The following CADPS2 variants were observed in gnomAD, a reference collection of about 807,000 sequenced individuals.
CADPS2 encodes calcium dependent secretion activator 2, also known as calcium-dependent secretion activator 2.
A neutral mutation model predicts 172.5 loss-of-function variants in CADPS2; 93 were observed. That is an observed-to-expected ratio of 0.54 (90% confidence interval 0.46 to 0.64). The LOEUF (loss-of-function observed/expected upper bound fraction) is 0.64. CADPS2 is among the 30% of genes least tolerant of loss of function. The pLI is 0.00. For synonymous variants in CADPS2, 546 were observed against 555.2 expected (o/e 0.98, Z 0.23); for missense variants, 1,420 against 1,565.9 (o/e 0.91, Z 1.57).
chr7:122,608,464 T>C (rs959548434), intron 6 of CADPS2, among the ~76,000 whole-genome samples: 1 of 152,206 alleles, frequency 6.6e-6, no homozygotes. Context: ...ATTCCATTTG[T>C]AGCTGCAATG....
At chr7:122,631,816 G>C (rs565960013) in intron 3 of CADPS2, among the ~76,000 whole-genome samples, 7 of 152,138 alleles carry the variant, frequency 4.6e-5, no homozygotes. Flanking sequence ...GGTGAGCATA[G>C]TATCCAATAG....
At chr7:122,852,417 T>C (rs548182064) in intron 1 of CADPS2, among the ~76,000 whole-genome samples, 1 of 152,312 alleles carries the variant, frequency 6.6e-6, no homozygotes, top group African/African-American at 2.4e-5. Flanking sequence ...ATGTGTTGTA[T>C]AGTATATTAA....
intron 3 of CADPS2, among the ~76,000 whole-genome samples, chr7:122,643,919 C>T (rs1435098649): frequency 6.6e-6 from 1 of 151,974 alleles, no homozygotes; most frequent in South Asian, 2.1e-4. Context: ...GGCAAAACCC[C>T]TCTCTACTAA....
intron 28 of CADPS2, among the ~76,000 whole-genome samples, chr7:122,337,137 C>A (rs1299368919): frequency 6.6e-6 from 1 of 152,114 alleles, no homozygotes; most frequent in Non-Finnish European, 1.5e-5. Context: ...CCCCAAGCTG[C>A]GGTAAGTAGT....
At chr7:122,524,920 A>G (rs995251) in intron 8 of CADPS2, among the ~76,000 whole-genome samples, 30,456 of 152,130 alleles carry the variant, frequency 0.2, 4,050 homozygotes, top group Non-Finnish European at 0.3. Flanking sequence ...AGGCTGAGGT[A>G]GGCGGATTGT....
At chr7:122,834,503 G>A (rs533463239) in intron 1 of CADPS2, among the ~76,000 whole-genome samples, 51 of 152,276 alleles carry the variant, frequency 3.3e-4, no homozygotes, top group African/African-American at 1.1e-3. Context: ...CTCACCCGGG[G>A]AGCACAAGGG....
At chr7:122,638,725 G>C (rs1049429810) in intron 3 of CADPS2, among the ~76,000 whole-genome samples, 2 of 152,192 alleles carry the variant, frequency 1.3e-5, no homozygotes, top group African/African-American at 2.4e-5. Context: ...TGGATCCCCT[G>C]AGGACTCTTA....
chr7:122,858,789 A>G (rs1816072032), intron 1 of CADPS2, among the ~76,000 whole-genome samples: 1 of 152,238 alleles, frequency 6.6e-6, no homozygotes, highest in Non-Finnish European at 1.5e-5. Context: ...AAAATAAATG[A>G]AAACATTGGG....
chr7:122,626,107 A>G (rs906474591), intron 4 of CADPS2, among the ~76,000 whole-genome samples: 1 of 152,186 alleles, frequency 6.6e-6, no homozygotes, highest in Non-Finnish European at 1.5e-5. Flanking sequence ...GGGGTAAAAA[A>G]GACCAGATCA....
rs763117991 is a variant in CADPS2, at chr7:122,698,237, T to C, written c.454-34668A>G. The C allele has an allele frequency of 1.9e-6, 3 of 1,613,968 alleles. No individual in the cohort carries two copies. In the Admixed American group the frequency reaches 5.0e-5, roughly 27 times the overall value. On this transcript the variant is annotated intron_variant, in intron 2 of 29. Coordinates refer to ENST00000449022, the MANE Select transcript of CADPS2 (RefSeq NM_017954.11). ...TGTCCAAATGTGTTCTGAAGATCTG[T>C]TGTTAATCGCTGCCATCTCCGGTTC...
intron 25 of CADPS2, among the ~76,000 whole-genome samples, chr7:122,367,874 C>T (rs1585322098): frequency 6.6e-6 from 1 of 152,062 alleles, no homozygotes. Flanking sequence ...TTGTTTTCTT[C>T]ACTTTTCTAG....
At chr7:122,594,290 CAAG>C (rs1467924835) in intron 6 of CADPS2, among the ~76,000 whole-genome samples, 1 of 151,732 alleles carries the variant, frequency 6.6e-6, no homozygotes, top group African/African-American at 2.4e-5. Flanking sequence ...AAAAAAATTA[CAAG>C]AAGAGACAAA....
intron 27 of CADPS2, 62 bp downstream of exon 27, chr7:122,360,726 G>T: frequency 6.9e-7 from 1 of 1,446,746 alleles, no homozygotes; most frequent in Non-Finnish European, 9.4e-7. Flanking sequence ...AACCCATGAT[G>T]AACTGCAATT....
chr7:122,702,656 G>C (rs1458113954), intron 2 of CADPS2: 2 of 1,613,256 alleles, frequency 1.2e-6, no homozygotes, highest in African/African-American at 1.3e-5. Flanking sequence ...TTTTCCGTTT[G>C]AGTCAGGAAA....
chr7:122,636,893 T>C (rs957596605), intron 3 of CADPS2, among the ~76,000 whole-genome samples: 1 of 152,118 alleles, frequency 6.6e-6, no homozygotes, highest in African/African-American at 2.4e-5. Context: ...TACGTCCAAC[T>C]CTCTAGTGAG....
At chr7:122,837,782 A>G (rs1809004303) in intron 1 of CADPS2, among the ~76,000 whole-genome samples, 1 of 152,212 alleles carries the variant, frequency 6.6e-6, no homozygotes, top group African/African-American at 2.4e-5. Context: ...TTGAGGCAAT[A>G]ATTAATAGCC....
chr7:122,607,721 T>C (rs2073765422), intron 6 of CADPS2, among the ~76,000 whole-genome samples: 1 of 152,290 alleles, frequency 6.6e-6, no homozygotes, highest in African/African-American at 2.4e-5. Context: ...AAATTCTCAA[T>C]GAATGTAAAT....
At chr7:122,795,505 G>A (rs772624780) in intron 1 of CADPS2, among the ~76,000 whole-genome samples, 10 of 152,032 alleles carry the variant, frequency 6.6e-5, no homozygotes, top group Non-Finnish European at 1.0e-4. Flanking sequence ...ACTTCAAGAA[G>A]CTTATCCACC....
intron 7 of CADPS2, among the ~76,000 whole-genome samples, chr7:122,565,043 G>C (rs1399320695): frequency 6.6e-6 from 1 of 151,984 alleles, no homozygotes; most frequent in Non-Finnish European, 1.5e-5. Flanking sequence ...TATATGGAGA[G>C]GAAGGGAATA....
Sources: allele counts gnomAD v4.1 joint callset (sites outside exome capture counted in the v4.1 genomes callset), GRCh38; gene constraint gnomAD v4.1.1; transcripts MANE v1.5; gene names NCBI Gene and HGNC (gene_info 2026-07-23, HGNC 2026-07-21).